The following MYO18B variants were observed in gnomAD, a reference collection of about 807,000 sequenced individuals.
MYO18B encodes unconventional myosin-XVIIIb.
MYO18B carries 204 observed loss-of-function variants against 273.0 expected under a neutral mutation model. That is an observed-to-expected ratio of 0.75 (90% CI 0.67 to 0.84). MYO18B has a LOEUF of 0.84. Ranked by LOEUF, MYO18B falls within the 40% of genes least tolerant of loss-of-function variation. MYO18B has a pLI of 0.00. For missense variants in MYO18B, 3,212 were observed against 3,287.6 expected (o/e 0.98, Z 0.56); for synonymous variants, 1,330 against 1,305.7 (o/e 1.02, Z -0.40).
At chr22:25,848,171 T>C (rs2090316545) in intron 20 of MYO18B, among the ~76,000 whole-genome samples, 1 of 152,100 alleles carries the variant, frequency 6.6e-6, no homozygotes, top group Non-Finnish European at 1.5e-5. Flanking sequence ...GGAATTCCTG[T>C]GATGAGTGAT....
chr22:25,936,045 G>A (rs2092573689), intron 34 of MYO18B, among the ~76,000 whole-genome samples: 1 of 152,236 alleles, frequency 6.6e-6, no homozygotes, highest in African/African-American at 2.4e-5. Context: ...TTGAACAAGA[G>A]CCAGGTGACC....
intron 34 of MYO18B, among the ~76,000 whole-genome samples, chr22:25,936,286 C>A (rs993947883): frequency 7.2e-5 from 11 of 152,114 alleles, no homozygotes; most frequent in Admixed American, 6.5e-5. Context: ...AGGATAGAAG[C>A]TTTTGAAGTC....
chr22:25,961,761 C>T (rs1601696975), intron 39 of MYO18B, among the ~76,000 whole-genome samples: 1 of 152,158 alleles, frequency 6.6e-6, no homozygotes, highest in African/African-American at 2.4e-5. Flanking sequence ...AGAGGCTGCA[C>T]CTGTTGGGTT....
At chr22:25,766,294 G>A (rs370928966) in intron 3 of MYO18B, among the ~76,000 whole-genome samples, 6 of 152,000 alleles carry the variant, frequency 3.9e-5, no homozygotes, top group African/African-American at 9.7e-5. Context: ...TTGTTCCTTC[G>A]GAGGATTAAA....
chr22:26,003,265 T>C lies in MYO18B; in HGVS notation c.6288T>C (p.Ser2096=). 1 of 1,608,720 alleles carries C rather than the reference T, an allele frequency of 6.2e-7. No individual in the cohort carries two copies. Among genetic ancestry groups the C allele is most frequent in the Non-Finnish European group, 8.5e-7 (1 of 1,177,632 alleles). The part of the protein sequence containing the change: ...EVASSDSDTE[S]VQTAVDCGSS... ...CACTCTTTCTTGTGCCTCTTACTAG[T>C]GTCCAGACGGCAGTGGATTGTGGCA... The change falls in exon 41 of 44, where the codon AGT becomes AGC. Residue 2096 remains serine (S), a splice_region_variant and synonymous_variant. Transcript: ENST00000335473.
chr22:25,907,783 C>G (rs771845428), intron 31 of MYO18B, among the ~76,000 whole-genome samples: 1 of 151,974 alleles, frequency 6.6e-6, no homozygotes, highest in Non-Finnish European at 1.5e-5. Context: ...ACCTATAATC[C>G]CAGCACTTTG....
chr22:26,043,741 C>T, the MYO18B span, among the ~76,000 whole-genome samples: 1 of 152,088 alleles, frequency 6.6e-6, no homozygotes, highest in Non-Finnish European at 1.5e-5. Context: ...GTCTCGAACT[C>T]CTGACCTCGT....
At position 25,947,744 on chromosome 22, in the gene MYO18B, G is replaced by A; in HGVS notation, c.5664G>A (p.Glu1888=). 6.2e-7 allele frequency: 1 copy of A among 1,613,734 alleles called. No homozygotes were observed. Among genetic ancestry groups the A allele is most frequent in the Non-Finnish European group, 8.5e-7 (1 of 1,179,870 alleles). ...VDEQLYRLQF[E]KADLLKRIDE... The stretch of plus-strand genomic sequence containing the variant: ...AGCAGCTGTACAGGCTGCAGTTTGA[G>A]AAGGCGGACCTCCTGAAGCGCATCG... Residue 1888 remains glutamate, a synonymous_variant, in exon 36 of 44, where the codon GAG becomes GAA. Coordinates refer to ENST00000335473, the MANE Select transcript of MYO18B (RefSeq NM_032608.7).
intron 31 of MYO18B, among the ~76,000 whole-genome samples, chr22:25,905,579 G>A (rs2146358184): frequency 6.6e-6 from 1 of 152,300 alleles, no homozygotes; most frequent in East Asian, 1.9e-4. Flanking sequence ...ATCAGAATTG[G>A]CTGAATGAGA....
chr22:25,749,739 T>C (rs924767461), intron 1 of MYO18B, among the ~76,000 whole-genome samples: 1 of 152,112 alleles, frequency 6.6e-6, no homozygotes, highest in Non-Finnish European at 1.5e-5. Context: ...TTCTTTTCCT[T>C]CTTGGGGTGA....
chr22:25,883,107 C>T lies in MYO18B; in HGVS notation c.4314+5059C>T, dbSNP rs891713093. Among the ~76,000 whole-genome samples the T allele has an allele frequency of 1.3e-5, 2 of 152,080 alleles. No individual in the cohort carries two copies. Among genetic ancestry groups the T allele is most frequent in the Non-Finnish European group, 2.9e-5 (2 of 68,026 alleles). On this transcript the variant is annotated intron_variant, in intron 25 of 43. Coordinates refer to ENST00000335473, the MANE Select transcript of MYO18B (RefSeq NM_032608.7). The surrounding 1 kb of genome is among the most constrained non-coding windows in gnomAD (Gnocchi z 7.6). ...GAGATGGGGGTCTCACTTTGTTGCC[C>T]AGGTTGGTCTCCAATTCCTGGGCTC...
chr22:25,973,113 T>C (rs2093053163), intron 39 of MYO18B, among the ~76,000 whole-genome samples: 1 of 152,204 alleles, frequency 6.6e-6, no homozygotes, highest in Non-Finnish European at 1.5e-5. Flanking sequence ...CTACTTCCTA[T>C]TGTTAAGCAT....
intron 14 of MYO18B, among the ~76,000 whole-genome samples, chr22:25,827,540 T>G (rs2089540729): frequency 6.6e-6 from 1 of 152,190 alleles, no homozygotes; most frequent in Non-Finnish European, 1.5e-5. Context: ...AGGCTTGCCT[T>G]CCTCCTCTGT....
At position 25,797,856 on chromosome 22, in the gene MYO18B, C is replaced by T. The variant is rs1290559363; in HGVS notation, c.2377-97C>T. On this transcript the variant is annotated intron_variant, in intron 11 of 43. Transcript: ENST00000335473. ...ATTTATTGTGGCAATAAAATGACCC[C>T]CGCATTCCTTCGAGACGGAGCTCAG... 3.2e-6 allele frequency: 5 copies of T among 1,556,896 alleles called. No homozygotes were observed. In the East Asian group the frequency reaches 9.0e-5, roughly 28 times the overall value.
chr22:25,989,520 C>T (rs1303469995), intron 39 of MYO18B, among the ~76,000 whole-genome samples: 10 of 151,154 alleles, frequency 6.6e-5, no homozygotes, highest in South Asian at 2.1e-4. Flanking sequence ...TGGTGGCTCA[C>T]GCCTGTACTC....
At chr22:25,789,390 C>A (rs991588849) in intron 11 of MYO18B, among the ~76,000 whole-genome samples, 12 of 152,038 alleles carry the variant, frequency 7.9e-5, no homozygotes, top group African/African-American at 2.9e-4. Flanking sequence ...AATCCCAGCA[C>A]GTTGGGAGGC....
chr22:25,997,305 C>CA (rs1933372342), intron 40 of MYO18B, among the ~76,000 whole-genome samples: 1 of 14,096 alleles, frequency 7.1e-5, no homozygotes, highest in Non-Finnish European at 1.1e-4. Flanking sequence ...ACTCTGTCGC[C>CA]AAAAAAAAAA....
Position 25,895,250 on chromosome 22 carries a change from G to C in MYO18B, c.4638G>C (p.Glu1546Asp). Residue 1546 changes from glutamate to aspartate, a missense_variant, in exon 28 of 44, where the codon GAG (glutamate) becomes GAC (aspartate). Physicochemically the swap from Glu to Asp is conservative, Grantham distance 45. Coordinates refer to ENST00000335473, the MANE Select transcript of MYO18B (RefSeq NM_032608.7). ...LQQCEERLDS[E>D]LTARKELEQK... The stretch of plus-strand genomic sequence containing the variant: ...AATGCGAGGAGAGGCTGGACTCGGA[G>C]CTGACAGCCAGGAAAGAGCTGGAGC... 2 of 1,605,602 alleles carry C rather than the reference G, an allele frequency of 1.2e-6. No homozygotes were observed. The highest frequency in any genetic ancestry group is 8.5e-7 in the Non-Finnish European group (1 of 1,176,090).
At chr22:25,774,105 G>A (rs1476947332) in intron 7 of MYO18B, among the ~76,000 whole-genome samples, 3 of 152,164 alleles carry the variant, frequency 2.0e-5, no homozygotes, top group East Asian at 3.9e-4. Flanking sequence ...TTGGGGCCCT[G>A]TGGGACAAAT....
Sources: gnomAD v4.1 joint callset for allele counts (sites outside exome capture counted in the v4.1 genomes callset) on GRCh38, gnomAD v4.1.1 for gene constraint, Gnocchi (gnomAD v3.1) non-coding constraint, MANE v1.5 for transcripts, NCBI Gene and HGNC (gene_info 2026-07-23, HGNC 2026-07-21) for gene names.